SLC16A7: variants seen among roughly 807,000 people sequenced by gnomAD.
SLC16A7 encodes the protein solute carrier family 16 member 7.
Under a neutral mutation model 34.9 loss-of-function variants are expected in SLC16A7, and 33 were observed. That is an observed-to-expected ratio of 0.94 (90% CI 0.72 to 1.26). The LOEUF (loss-of-function observed/expected upper bound fraction) is 1.26, where lower values mean the gene tolerates loss of function less well. Ranked by LOEUF, SLC16A7 falls within the 50% of genes most tolerant of loss-of-function variation. The probability of loss-of-function intolerance (pLI) is 0.00; values close to 1 mark genes in which losing one functional copy is unlikely to be tolerated. For missense variants in SLC16A7, 573 were observed against 578.1 expected (o/e 0.99, Z 0.09); for synonymous variants, 201 against 206.6 (o/e 0.97, Z 0.23).
At chr12:59,738,521 T>G (rs1028149324) in intron 3 of SLC16A7, among the ~76,000 whole-genome samples, 1 of 152,338 alleles carries the variant, frequency 6.6e-6, no homozygotes, top group East Asian at 1.9e-4. Context: ...TATTCTGACA[T>G]AGACCAAGTC....
intron 3 of SLC16A7, among the ~76,000 whole-genome samples, chr12:59,706,855 C>G (rs1873645042): frequency 6.6e-6 from 1 of 151,906 alleles, no homozygotes; most frequent in African/African-American, 2.4e-5. Flanking sequence ...CTTACATAGT[C>G]ATAATTCCTT....
At chr12:59,674,820 G>A (rs1292015385) in intron 2 of SLC16A7, among the ~76,000 whole-genome samples, 3 of 152,176 alleles carry the variant, frequency 2.0e-5, no homozygotes, top group South Asian at 2.1e-4. Context: ...ACAAAGATAG[G>A]AGTACATTTG....
chr12:59,716,018 CAAT>C (rs1592561541), intron 3 of SLC16A7, among the ~76,000 whole-genome samples: 1 of 152,092 alleles, frequency 6.6e-6, no homozygotes, highest in Non-Finnish European at 1.5e-5. Flanking sequence ...GCTATAAAAG[CAAT>C]AATAATTACA....
At chr12:59,693,747 G>A (rs370647456) in intron 2 of SLC16A7, among the ~76,000 whole-genome samples, 15 of 151,746 alleles carry the variant, frequency 9.9e-5, no homozygotes, top group East Asian at 1.9e-4. Flanking sequence ...ATGGACATGC[G>A]CAAGAACTGA....
At chr12:59,706,064 T>C (rs1310211400) in intron 3 of SLC16A7, among the ~76,000 whole-genome samples, 2 of 152,158 alleles carry the variant, frequency 1.3e-5, no homozygotes, top group African/African-American at 4.8e-5. Flanking sequence ...TAAGGAAATA[T>C]ATACAATAGC....
chr12:59,607,167 T>A (rs2136962349), intron 1 of SLC16A7, among the ~76,000 whole-genome samples: 1 of 152,084 alleles, frequency 6.6e-6, no homozygotes, highest in South Asian at 2.1e-4. Context: ...AAAAAAAAAA[T>A]TATTAAATCC....
At chr12:59,622,742 C>T (rs961191274) in intron 1 of SLC16A7, among the ~76,000 whole-genome samples, 3 of 151,854 alleles carry the variant, frequency 2.0e-5, no homozygotes, top group Non-Finnish European at 4.4e-5. Flanking sequence ...TTGACAATAT[C>T]CAAAACAATA....
At chr12:59,600,401 CA>C (rs1161307455) in intron 1 of SLC16A7, among the ~76,000 whole-genome samples, 1 of 151,852 alleles carries the variant, frequency 6.6e-6, no homozygotes, top group Non-Finnish European at 1.5e-5. Context: ...CTGTTTGGAT[CA>C]AAGTGATTAA....
At chr12:59,599,223 G>A (rs868570146) in intron 1 of SLC16A7, among the ~76,000 whole-genome samples, 21 of 152,188 alleles carry the variant, frequency 1.4e-4, no homozygotes, top group African/African-American at 5.1e-4. Flanking sequence ...TAGAGGGAAG[G>A]AGGAAGAGGA....
chr12:59,759,032 AAG>A (rs1880717745), intron 3 of SLC16A7, among the ~76,000 whole-genome samples: 1 of 151,960 alleles, frequency 6.6e-6, no homozygotes, highest in South Asian at 2.1e-4. Flanking sequence ...TATTTAAGGA[AAG>A]ACATGTACAT....
intron 1 of SLC16A7, among the ~76,000 whole-genome samples, chr12:59,622,491 G>GT (rs1303577236): frequency 6.6e-6 from 1 of 151,782 alleles, no homozygotes; most frequent in African/African-American, 2.4e-5. Context: ...TATTCTGCAT[G>GT]TATTTCAGAA....
intron 1 of SLC16A7, among the ~76,000 whole-genome samples, chr12:59,600,531 G>A (rs955452958): frequency 1.3e-5 from 2 of 151,972 alleles, no homozygotes; most frequent in South Asian, 2.1e-4. Context: ...TGAATCCAGG[G>A]GCTGAGTCTA....
At chr12:59,633,002 A>G (rs956384526) in intron 1 of SLC16A7, among the ~76,000 whole-genome samples, 1 of 151,976 alleles carries the variant, frequency 6.6e-6, no homozygotes, top group Non-Finnish European at 1.5e-5. Flanking sequence ...TCTGCTCTTA[A>G]TAATATACCC....
chr12:59,683,781 A>G (rs1870930695), intron 2 of SLC16A7, among the ~76,000 whole-genome samples: 1 of 152,226 alleles, frequency 6.6e-6, no homozygotes, highest in African/African-American at 2.4e-5. Context: ...AAAAGAGCCA[A>G]CAATTTAACC....
intron 3 of SLC16A7, among the ~76,000 whole-genome samples, chr12:59,712,774 A>C (rs1306422164): frequency 6.6e-6 from 1 of 152,166 alleles, no homozygotes; most frequent in Admixed American, 6.5e-5. Flanking sequence ...CCACTGGAGC[A>C]ATCAGTTTTG....
intron 5 of SLC16A7, 135 bp from the exon 6 acceptor site, chr12:59,779,288 T>A (rs1236851056): frequency 1.5e-6 from 1 of 656,644 alleles, no homozygotes; most frequent in Admixed American, 3.5e-5. Context: ...ATAATCTAGA[T>A]TTTTTTATTT....
At chr12:59,611,245 C>T (rs1486693148) in intron 1 of SLC16A7, among the ~76,000 whole-genome samples, 1 of 152,182 alleles carries the variant, frequency 6.6e-6, no homozygotes, top group Non-Finnish European at 1.5e-5. Flanking sequence ...GAGGACTCAG[C>T]AAACTTAACA....
rs1883348097 is a variant in SLC16A7, at chr12:59,782,918, A to C, written c.*3239A>C. The C allele has an allele frequency of 1.3e-5, 2 of 152,188 alleles. No individual in the cohort carries two copies. The highest frequency in any genetic ancestry group is 2.9e-5 in the Non-Finnish European group (2 of 68,036). The allele number at this position is 152,188 out of a possible 1,614,324, so 9.4% of individuals were successfully genotyped here. A position where few individuals can be genotyped will look rare whatever the true frequency, so the allele number is the denominator to read the frequency against. On this transcript the variant is annotated 3_prime_UTR_variant, in exon 6 of 6. Transcript: ENST00000547379. ...TTTCAACCCTTTAGCTCATGGACTC[A>C]TTGGCCTCAGCCTAATACTAAGAAA...
intron 3 of SLC16A7, among the ~76,000 whole-genome samples, chr12:59,721,896 T>TTCAGTATC (rs1299842614): frequency 6.6e-6 from 1 of 151,992 alleles, no homozygotes; most frequent in African/African-American, 2.4e-5. Flanking sequence ...GCCACATCTT[T>TTCAGTATC]TCAGTATCTA....
Sources: gnomAD v4.1 joint callset for allele counts (sites outside exome capture counted in the v4.1 genomes callset) on GRCh38, gnomAD v4.1.1 for gene constraint, MANE v1.5 for transcripts, NCBI Gene and HGNC (gene_info 2026-07-23, HGNC 2026-07-21) for gene names.